AKT3: variants seen among roughly 807,000 people sequenced by gnomAD.
AKT3 encodes the protein RAC-gamma serine/threonine-protein kinase.
Under a neutral mutation model 65.3 loss-of-function variants are expected in AKT3, and 15 were observed. The ratio of observed to expected loss-of-function variants is 0.23; its 90% CI spans 0.15 to 0.35. The LOEUF (loss-of-function observed/expected upper bound fraction) is 0.35. Among genes scored for constraint, AKT3 ranks in the 10% least tolerant of loss-of-function variants. AKT3 has a pLI of 1.00. For missense variants in AKT3, 243 were observed against 576.5 expected (o/e 0.42, Z 5.92); for synonymous variants, 206 against 183.8 (o/e 1.12, Z -0.98).
At chr1:243,791,946 T>G (rs577496116) in intron 2 of AKT3, among the ~76,000 whole-genome samples, 26 of 152,328 alleles carry the variant, frequency 1.7e-4, no homozygotes, top group Non-Finnish European at 3.4e-4. Context: ...TTTAGCAAAT[T>G]TAGTTAGGTT....
intron 2 of AKT3, among the ~76,000 whole-genome samples, chr1:243,800,048 T>C (rs1464139525): frequency 6.6e-6 from 1 of 152,194 alleles, no homozygotes; most frequent in African/African-American, 2.4e-5. Context: ...TTTACTTGCT[T>C]TTAAATGTCA....
rs796723733 is a variant in AKT3, at chr1:243,772,014, C to T, written c.46+71111G>A. On this transcript the variant is annotated intron_variant, in intron 2 of 13. Transcript: ENST00000673466. ...TAGAAAGCTGAAACTGGATCCATTC[C>T]TTACAACTCATACAAAAATTAATTC... Among the ~76,000 whole-genome samples, 5 of 152,282 alleles carry T rather than the reference C, an allele frequency of 3.3e-5. No individual in the cohort carries two copies. The East Asian group carries it at 5.8e-4, about 18-fold the overall frequency.
intron 2 of AKT3, among the ~76,000 whole-genome samples, chr1:243,825,953 G>A (rs558407882): frequency 3.4e-4 from 51 of 152,128 alleles, no homozygotes; most frequent in Admixed American, 1.4e-3. Flanking sequence ...CCAACATGGC[G>A]AAACCCCATC....
At chr1:243,607,532 T>C (rs950477801) in intron 8 of AKT3, among the ~76,000 whole-genome samples, 11 of 152,212 alleles carry the variant, frequency 7.2e-5, no homozygotes, top group Admixed American at 2.0e-4. Flanking sequence ...TGTACCCCCA[T>C]TGTATCTAGG....
In AKT3 at chr1:243,559,256, T is replaced by C. The variant is rs181385800; in HGVS notation, c.948+4464A>G. Among the ~76,000 whole-genome samples the C allele has an allele frequency of 2.0e-5, 3 of 152,244 alleles. No homozygotes were observed. In the East Asian group the frequency reaches 5.8e-4, roughly 29 times the overall value. On this transcript the variant is annotated intron_variant, in intron 10 of 13. Coordinates refer to ENST00000673466, the MANE Select transcript of AKT3 (RefSeq NM_005465.7). ...ATACATACAAATGCAGTTTTCAAGATGTAGCACACTAAATGCACAGTGCAT... is the reference window on the plus strand; with the variant it reads ...ATACATACAAATGCAGTTTTCAAGACGTAGCACACTAAATGCACAGTGCAT...
chr1:243,729,778 AAT>A, intron 2 of AKT3, among the ~76,000 whole-genome samples: 1 of 152,204 alleles, frequency 6.6e-6, no homozygotes. Context: ...AAATATTAGT[AAT>A]ATCTCTGGAC....
chr1:243,673,260 A>C (rs1432922661), intron 3 of AKT3, among the ~76,000 whole-genome samples: 2 of 152,196 alleles, frequency 1.3e-5, no homozygotes, highest in African/African-American at 2.4e-5. Context: ...ATACAGAAAA[A>C]TACATACATA....
At chr1:243,632,668 C>T (rs1486379434) in intron 6 of AKT3, among the ~76,000 whole-genome samples, 1 of 152,164 alleles carries the variant, frequency 6.6e-6, no homozygotes, top group Non-Finnish European at 1.5e-5. Flanking sequence ...TAAGGAAGTC[C>T]TAAGTTCAAC....
chr1:243,789,499 G>A (rs928167246), intron 2 of AKT3, among the ~76,000 whole-genome samples: 1 of 152,176 alleles, frequency 6.6e-6, no homozygotes, highest in African/African-American at 2.4e-5. Context: ...GCTAATTCTA[G>A]TTCTCTTGCT....
chr1:243,623,106 G>A (rs1272896834), intron 6 of AKT3, among the ~76,000 whole-genome samples: 2 of 152,112 alleles, frequency 1.3e-5, no homozygotes, highest in Non-Finnish European at 2.9e-5. Flanking sequence ...TTGTATGCTG[G>A]AGATCTTGGG....
intron 2 of AKT3, among the ~76,000 whole-genome samples, chr1:243,750,442 C>T (rs1375983843): frequency 6.6e-6 from 1 of 151,976 alleles, no homozygotes; most frequent in Non-Finnish European, 1.5e-5. Context: ...CACGCACGCA[C>T]GCACACACGG....
At chr1:243,804,612 C>T (rs574887598) in intron 2 of AKT3, among the ~76,000 whole-genome samples, 27 of 152,144 alleles carry the variant, frequency 1.8e-4, no homozygotes, top group African/African-American at 4.1e-4. Context: ...TTTGGGAGGC[C>T]GAGGCGGATG....
chr1:243,527,041 A>G (rs1671156070), intron 12 of AKT3, among the ~76,000 whole-genome samples: 1 of 152,186 alleles, frequency 6.6e-6, no homozygotes, highest in African/African-American at 2.4e-5. Context: ...ATAAATACTA[A>G]GAGTCCTAAC....
chr1:243,627,320 C>A (rs1310555952), intron 6 of AKT3, among the ~76,000 whole-genome samples: 1 of 142,842 alleles, frequency 7.0e-6, no homozygotes, highest in Non-Finnish European at 1.5e-5. Context: ...ATAGTGAGAC[C>A]CTGTTTCAAT....
intron 2 of AKT3, among the ~76,000 whole-genome samples, chr1:243,807,596 C>T (rs566082760): frequency 7.9e-5 from 12 of 152,324 alleles, no homozygotes; most frequent in Non-Finnish European, 1.5e-4. Context: ...CTGTAGACTC[C>T]ACCTCTGGGG....
At chr1:243,675,549 G>A (rs569387547) in intron 3 of AKT3, among the ~76,000 whole-genome samples, 8 of 152,192 alleles carry the variant, frequency 5.3e-5, no homozygotes, top group South Asian at 4.2e-4. Flanking sequence ...TCCTCTTCCC[G>A]CTAACTGCCC....
intron 2 of AKT3, among the ~76,000 whole-genome samples, chr1:243,838,697 C>A (rs1403061248): frequency 6.6e-6 from 1 of 152,158 alleles, no homozygotes; most frequent in Non-Finnish European, 1.5e-5. Context: ...TCTTGTGAGA[C>A]AACTCATAGA....
chr1:243,744,639 TGAGGCAGGAGAATG>T (rs1688366413), intron 2 of AKT3, among the ~76,000 whole-genome samples: 1 of 147,022 alleles, frequency 6.8e-6, no homozygotes, highest in Non-Finnish European at 1.5e-5. Flanking sequence ...CTTGGGAGGC[TGAGGCAGGAGAATG>T]GCGTGAACCC....
intron 2 of AKT3, among the ~76,000 whole-genome samples, chr1:243,706,488 T>C (rs1685805705): frequency 6.6e-6 from 1 of 152,156 alleles, no homozygotes; most frequent in Non-Finnish European, 1.5e-5. Context: ...CTCTACAGAA[T>C]AAAAACTAAT....
Sources: allele counts gnomAD v4.1 joint callset (sites outside exome capture counted in the v4.1 genomes callset), GRCh38; gene constraint gnomAD v4.1.1; transcripts MANE v1.5; gene names NCBI Gene and HGNC (gene_info 2026-07-23, HGNC 2026-07-21).